BTG4: variants seen among roughly 807,000 people sequenced by gnomAD.
BTG4 encodes the protein protein BTG4.
A neutral mutation model predicts 19.3 loss-of-function variants in BTG4; 10 were observed. The observed-to-expected ratio is 0.52, with a 90% CI of 0.32 to 0.88. The LOEUF is 0.88. BTG4 is among the 40% of genes least tolerant of loss of function. BTG4 has a pLI of 0.04. For missense variants in BTG4, 238 were observed against 281.9 expected, an observed-to-expected ratio of 0.84 and a Z score of 1.11; for synonymous variants, 91 against 95.7, an observed-to-expected ratio of 0.95 and a Z score of 0.29.
the BTG4 span, among the ~76,000 whole-genome samples, chr11:111,401,788 T>C: frequency 6.6e-6 from 1 of 152,202 alleles, no homozygotes; most frequent in African/African-American, 2.4e-5. Context: ...CTATAATCTC[T>C]GTGAGGGGTT....
upstream of BTG4, chr11:111,514,581 C>G (rs1867145267): frequency 1.7e-6 from 1 of 590,742 alleles, no homozygotes; most frequent in East Asian, 2.8e-5. Context: ...CTCCCATATC[C>G]AAGATTTGGA....
At position 111,482,116 on chromosome 11, in the gene BTG4, T is replaced by C. The variant is rs191263932; in HGVS notation, c.662+13047A>G. Among the ~76,000 whole-genome samples, 145 of 152,108 alleles carry C rather than the reference T, an allele frequency of 9.5e-4. 1 individual carries two copies. The East Asian group carries it at 0.025, about 26-fold the overall frequency. ...AAAAAAAATTCCTGGAATAACTAAG[T>C]TCAGCAACATCTAGAAAGGACAAAA... On this transcript the variant is annotated intron_variant, in intron 5 of 5. Coordinates refer to the BTG4 transcript ENST00000356018.
chr11:111,434,573 T>TA, the BTG4 span, among the ~76,000 whole-genome samples: 791 of 135,048 alleles, frequency 5.9e-3, 7 homozygotes, highest in African/African-American at 0.023. Context: ...ATAATAAATT[T>TA]TAAAAAAAAT....
chr11:111,468,836 C>T (rs893094940), intron 5 of BTG4, among the ~76,000 whole-genome samples: 1 of 152,100 alleles, frequency 6.6e-6, no homozygotes, highest in African/African-American at 2.4e-5. Flanking sequence ...GGATGGGTCT[C>T]GAGAACAGAA....
At chr11:111,385,086 A>T in the BTG4 span, 2 of 152,056 alleles carry the variant, frequency 1.3e-5, no homozygotes, top group Non-Finnish European at 2.9e-5. Flanking sequence ...ACAAAAAAAA[A>T]TTTTTTTATA....
At chr11:111,493,621 C>A (rs1302802205), downstream of BTG4, among the ~76,000 whole-genome samples, 1 of 152,044 alleles carries the variant, frequency 6.6e-6, no homozygotes, top group Non-Finnish European at 1.5e-5. Flanking sequence ...TGCTGAGGGG[C>A]CAGTAAACTA....
At chr11:111,433,608 T>C in the BTG4 span, among the ~76,000 whole-genome samples, 1 of 152,016 alleles carries the variant, frequency 6.6e-6, no homozygotes, top group Non-Finnish European at 1.5e-5. Flanking sequence ...ATCATTAGAG[T>C]GAACAGGCAA....
chr11:111,393,247 G>A, the BTG4 span, among the ~76,000 whole-genome samples: 3 of 152,280 alleles, frequency 2.0e-5, no homozygotes, highest in East Asian at 1.9e-4. Context: ...TGTAAATTAC[G>A]ATGAGTCACT....
the BTG4 span, among the ~76,000 whole-genome samples, chr11:111,446,071 C>T: frequency 1.3e-5 from 2 of 152,164 alleles, no homozygotes; most frequent in Non-Finnish European, 2.9e-5. Flanking sequence ...CACAAGGTTA[C>T]AGAACATCCC....
At chr11:111,513,790 GA>G (rs1287121983), upstream of BTG4, among the ~76,000 whole-genome samples, 5 of 151,924 alleles carry the variant, frequency 3.3e-5, no homozygotes, top group African/African-American at 1.2e-4. Flanking sequence ...GTTATTATAT[GA>G]ACATGTGATT....
chr11:111,512,695 G>T (rs1867037359), upstream of BTG4, among the ~76,000 whole-genome samples: 1 of 152,134 alleles, frequency 6.6e-6, no homozygotes, highest in Admixed American at 6.5e-5. Flanking sequence ...GGGTCATGGG[G>T]GTCGGGGCGC....
chr11:111,510,806 C>T (rs2135750891), intron 1 of BTG4, among the ~76,000 whole-genome samples: 1 of 152,294 alleles, frequency 6.6e-6, no homozygotes, highest in Non-Finnish European at 1.5e-5. Flanking sequence ...GAAGAAAAGT[C>T]TGTAGAAACC....
chr11:111,455,506 G>C, the BTG4 span: 1 of 241,904 alleles, frequency 4.1e-6, no homozygotes, highest in Admixed American at 4.6e-5. Flanking sequence ...CTCCTCGGGA[G>C]GCAGGAGCAG....
chr11:111,432,407 G>C, the BTG4 span, among the ~76,000 whole-genome samples: 1 of 152,220 alleles, frequency 6.6e-6, no homozygotes, highest in Non-Finnish European at 1.5e-5. Context: ...ACTTTGGGAA[G>C]TCGAGGTGGG....
At chr11:111,482,855 G>A (rs1290849872) in intron 5 of BTG4, among the ~76,000 whole-genome samples, 3 of 151,700 alleles carry the variant, frequency 2.0e-5, no homozygotes, top group African/African-American at 7.3e-5. Context: ...AAAACTTCAG[G>A]ATCTAGAGCT....
At chr11:111,385,104 AT>A in the BTG4 span, 2 of 152,158 alleles carry the variant, frequency 1.3e-5, no homozygotes, top group Admixed American at 6.5e-5. Context: ...ATAACAAAAA[AT>A]AAAACAAAAG....
intron 1 of BTG4, among the ~76,000 whole-genome samples, chr11:111,502,441 CTTAAGT>C (rs889094443): frequency 9.2e-5 from 14 of 152,224 alleles, no homozygotes; most frequent in African/African-American, 3.1e-4. Context: ...TTAATAATGC[CTTAAGT>C]TTAACAGATT....
intron 1 of BTG4, among the ~76,000 whole-genome samples, chr11:111,499,598 A>C (rs1339481363): frequency 6.6e-6 from 1 of 152,204 alleles, no homozygotes; most frequent in Non-Finnish European, 1.5e-5. Flanking sequence ...CTCCTTCCAT[A>C]TCCTAATATC....
downstream of BTG4, among the ~76,000 whole-genome samples, chr11:111,489,831 G>A (rs1865304761): frequency 6.6e-6 from 1 of 152,114 alleles, no homozygotes; most frequent in Non-Finnish European, 1.5e-5. Context: ...AGAATGGTTG[G>A]TTACTAGAAG....
Sources: allele counts gnomAD v4.1 joint callset (sites outside exome capture counted in the v4.1 genomes callset), GRCh38; gene constraint gnomAD v4.1.1; transcripts MANE v1.5; gene names NCBI Gene and HGNC (gene_info 2026-07-23, HGNC 2026-07-21).